The following UGT1A8 variants were observed in gnomAD, a reference collection of about 807,000 sequenced individuals.
The protein encoded by UGT1A8 is UDP glucuronosyltransferase family 1 member A8.
Under a neutral mutation model 45.3 loss-of-function variants are expected in UGT1A8, and 39 were observed. The observed-to-expected ratio is 0.86, with a 90% CI of 0.67 to 1.12. The LOEUF (loss-of-function observed/expected upper bound fraction) is 1.12, where lower values mean the gene tolerates loss of function less well. Ranked by LOEUF, UGT1A8 falls within the 50% of genes most tolerant of loss-of-function variation. The pLI, the probability that UGT1A8 is intolerant of heterozygous loss-of-function variation, is 0.00. For synonymous variants in UGT1A8, 275 were observed against 249.2 expected (o/e 1.10, Z -0.97); for missense variants, 719 against 664.9 (o/e 1.08, Z -0.90).
intron 1 of UGT1A8, chr2:233,649,124 A>T: frequency 1.4e-6 from 1 of 710,890 alleles, no homozygotes; most frequent in Non-Finnish European, 2.0e-6. Flanking sequence ...TGTTTGTTGC[A>T]TCTAAAATTT....
Position 233,718,831 on chromosome 2 carries a change from G to A in UGT1A8, c.856-48203G>A, listed in dbSNP as rs1317647482. ...GTGGCTTCTGCTGAGATGGCCAGAG[G>A]ACTCCAGGTTCCCCTGCCGCGGCTG... is the stretch of plus-strand genomic sequence containing the variant. On this transcript the variant is annotated intron_variant, in intron 1 of 4. Transcript: ENST00000373450. 1 of 1,613,578 alleles carries A rather than the reference G, an allele frequency of 6.2e-7. No homozygotes were observed. Among genetic ancestry groups the A allele is most frequent in the Non-Finnish European group, 8.5e-7 (1 of 1,179,966 alleles).
rs184398589 is a variant in UGT1A8, at chr2:233,712,244, G to C, written c.856-54790G>C. On this transcript the variant is annotated intron_variant, in intron 1 of 4. Coordinates refer to ENST00000373450, the MANE Select transcript of UGT1A8 (RefSeq NM_019076.5). ...TGAACCCACCATGGGTCTTTGCTAGGGTTGTCTTGCACATGTGTGCTTTAG... is the reference window on the plus strand; with the variant it reads ...TGAACCCACCATGGGTCTTTGCTAGCGTTGTCTTGCACATGTGTGCTTTAG... Among the ~76,000 whole-genome samples the C allele has an allele frequency of 7.5e-4, 114 of 152,296 alleles. 1 individual carries two copies. Among genetic ancestry groups the C allele is most frequent in the Non-Finnish European group, 1.1e-3 (75 of 68,026 alleles).
chr2:233,765,711 TTAA>T (rs10664358), intron 1 of UGT1A8, among the ~76,000 whole-genome samples: 5,413 of 149,254 alleles, frequency 0.036, 331 homozygotes, highest in African/African-American at 0.13. Context: ...ATAATAATAA[TTAA>T]TAATAATAAT....
At chr2:233,668,701 A>G (rs893498329) in intron 1 of UGT1A8, among the ~76,000 whole-genome samples, 3 of 152,230 alleles carry the variant, frequency 2.0e-5, no homozygotes, top group African/African-American at 7.2e-5. Flanking sequence ...ATTTCTCCAC[A>G]TCTTCTCTAG....
At chr2:233,740,322 A>G (rs1210904634) in intron 1 of UGT1A8, among the ~76,000 whole-genome samples, 1 of 151,968 alleles carries the variant, frequency 6.6e-6, no homozygotes, top group African/African-American at 2.4e-5. Context: ...ATGAATCTGC[A>G]TTTATTGAGA....
chr2:233,682,722 C>G (rs1213515769), intron 1 of UGT1A8: 8 of 1,613,716 alleles, frequency 5.0e-6, no homozygotes, highest in Non-Finnish European at 6.8e-6. Flanking sequence ...TTGGAGTATC[C>G]CAAACCCGTG....
chr2:233,657,600 A>G (rs1174969460), intron 1 of UGT1A8, among the ~76,000 whole-genome samples: 1 of 152,198 alleles, frequency 6.6e-6, no homozygotes, highest in African/African-American at 2.4e-5. Flanking sequence ...ACTAAGCCCC[A>G]CCTCCAACAT....
chr2:233,709,725 T>C (rs941884651), intron 1 of UGT1A8, among the ~76,000 whole-genome samples: 1 of 152,208 alleles, frequency 6.6e-6, no homozygotes, highest in Non-Finnish European at 1.5e-5. Context: ...TGATATGTTT[T>C]CAATTGATAC....
chr2:233,712,555 A>G (rs1157620157), intron 1 of UGT1A8, among the ~76,000 whole-genome samples: 1 of 152,212 alleles, frequency 6.6e-6, no homozygotes, highest in Admixed American at 6.5e-5. Context: ...AAGAGTATTA[A>G]GAGTTAGCAA....
At chr2:233,755,053 C>CCCTCG (rs778721180) in intron 1 of UGT1A8, 9 of 1,332,572 alleles carry the variant, frequency 6.8e-6, no homozygotes, top group Non-Finnish European at 6.1e-6. Flanking sequence ...CCGCCCTCCG[C>CCCTCG]CCTCGCCTCG....
rs1273237448 is a variant in UGT1A8 at position 233,760,469 on chromosome 2, C to G, written c.856-6565C>G. The G allele has an allele frequency of 6.2e-6, 10 of 1,614,092 alleles. No homozygotes were observed. The highest frequency in any genetic ancestry group is 2.2e-5 in the South Asian group (2 of 91,086). On this transcript the variant is annotated intron_variant, in intron 1 of 4. Transcript: ENST00000373450. The stretch of plus-strand genomic sequence containing the variant: ...AGGGGACATGAAATAGTTGTCCTAG[C>G]ACCTGACGCCTCGTTGTACATCAGA...
chr2:233,664,970 G>A (rs1440702939), intron 1 of UGT1A8, among the ~76,000 whole-genome samples: 2 of 152,184 alleles, frequency 1.3e-5, no homozygotes, highest in Admixed American at 6.6e-5. Context: ...AAAAACCACA[G>A]TGAGAAATGA....
intron 1 of UGT1A8, chr2:233,747,772 G>C (rs1693773071): frequency 6.2e-7 from 1 of 1,613,364 alleles, no homozygotes; most frequent in Non-Finnish European, 8.5e-7. Context: ...GGCACACAGT[G>C]TCCAAATCCT....
chr2:233,733,052 A>G (rs1453570280), intron 1 of UGT1A8, among the ~76,000 whole-genome samples: 2 of 151,868 alleles, frequency 1.3e-5, no homozygotes, highest in African/African-American at 4.8e-5. Context: ...ATTCCTAGGT[A>G]TTTTATTCTC....
At chr2:233,670,559 T>C (rs2074162184) in intron 1 of UGT1A8, among the ~76,000 whole-genome samples, 1 of 143,564 alleles carries the variant, frequency 7.0e-6, no homozygotes, top group African/African-American at 3.0e-5. Flanking sequence ...GCATGGCTTC[T>C]TCTATGTCTT....
intron 1 of UGT1A8, among the ~76,000 whole-genome samples, chr2:233,678,577 C>G (rs2074422064): frequency 1.3e-5 from 2 of 152,094 alleles, no homozygotes; most frequent in South Asian, 4.1e-4. Flanking sequence ...TCCTTCTTCC[C>G]CATTTGCTTT....
chr2:233,662,519 G>T (rs991631704), intron 1 of UGT1A8, among the ~76,000 whole-genome samples: 1 of 152,082 alleles, frequency 6.6e-6, no homozygotes, highest in Non-Finnish European at 1.5e-5. Flanking sequence ...TTACTTATTT[G>T]TTCTTGGAGG....
intron 1 of UGT1A8, among the ~76,000 whole-genome samples, chr2:233,627,223 C>T (rs2073099841): frequency 6.6e-6 from 1 of 151,756 alleles, no homozygotes; most frequent in Non-Finnish European, 1.5e-5. Context: ...GTATTAAAAC[C>T]CTGTTCAGGC....
chr2:233,672,375 C>T (rs200266032), intron 1 of UGT1A8: 29 of 1,613,944 alleles, frequency 1.8e-5, no homozygotes, highest in Admixed American at 5.0e-5. Flanking sequence ...CAGTGTTTCT[C>T]GATCCTTTTG....
Sources: gnomAD v4.1 joint callset for allele counts (sites outside exome capture counted in the v4.1 genomes callset) on GRCh38, gnomAD v4.1.1 for gene constraint, MANE v1.5 for transcripts, NCBI Gene and HGNC (gene_info 2026-07-23, HGNC 2026-07-21) for gene names.